DSC2: variants seen among roughly 807,000 people sequenced by gnomAD.
The protein encoded by DSC2 is desmocollin-2.
DSC2 carries 51 observed loss-of-function variants against 87.6 expected under a neutral mutation model. The observed-to-expected ratio is 0.58, with a 90% CI of 0.46 to 0.74. DSC2 has a LOEUF of 0.74. Ranked by LOEUF, DSC2 falls within the 30% of genes least tolerant of loss-of-function variation. DSC2 has a pLI of 0.00. For synonymous variants in DSC2, 383 were observed against 393.2 expected (o/e 0.97, Z 0.31); for missense variants, 1,066 against 1,089.5 (o/e 0.98, Z 0.30).
intron 15 of DSC2, 136 bp from the exon 16 acceptor site, chr18:31,068,348 T>C (rs1986701716): frequency 1.2e-6 from 2 of 1,612,520 alleles, no homozygotes; most frequent in Non-Finnish European, 1.7e-6. Flanking sequence ...TGGATTCCTA[T>C]ACATAAAAAA....
chr18:31,085,706 A>C (rs1987373398), intron 7 of DSC2, among the ~76,000 whole-genome samples: 1 of 152,010 alleles, frequency 6.6e-6, no homozygotes, highest in Non-Finnish European at 1.5e-5. Flanking sequence ...AGAGAAAATT[A>C]ATCTGAAGAT....
At chr18:31,068,284 A>T in intron 15 of DSC2, 72 bp from the exon 16 acceptor site, 1 of 1,613,158 alleles carries the variant, frequency 6.2e-7, no homozygotes, top group Non-Finnish European at 8.5e-7. Context: ...CATAAAAGTA[A>T]TTGCTTTGAT....
intron 1 of DSC2, among the ~76,000 whole-genome samples, chr18:31,098,363 A>G (rs1987829401): frequency 6.6e-6 from 1 of 152,154 alleles, no homozygotes. Context: ...ACACCAATAT[A>G]TATATCCTCG....
chr18:31,080,462 A>C, intron 9 of DSC2, 110 bp from the exon 10 acceptor site: 10 of 1,292,526 alleles, frequency 7.7e-6, no homozygotes, highest in Non-Finnish European at 1.1e-5. Flanking sequence ...CATGTTGGGA[A>C]TAACCACGAG....
intron 6 of DSC2, 101 bp from the exon 7 acceptor site, chr18:31,086,843 A>T: frequency 1.6e-6 from 2 of 1,284,862 alleles, no homozygotes; most frequent in East Asian, 5.0e-5. Context: ...TCTGGACCAC[A>T]TTATTACATG....
chr18:31,077,329 A>T (rs1987057206), intron 11 of DSC2, among the ~76,000 whole-genome samples: 1 of 152,124 alleles, frequency 6.6e-6, no homozygotes, highest in Non-Finnish European at 1.5e-5. Flanking sequence ...CTCTCTGAAA[A>T]TTGGGACTGC....
At chr18:31,072,782 T>C (rs1009675330) in intron 12 of DSC2, among the ~76,000 whole-genome samples, 11 of 152,192 alleles carry the variant, frequency 7.2e-5, no homozygotes, top group African/African-American at 2.7e-4. Flanking sequence ...TGCATAGTAT[T>C]TGAAGCTCTA....
chr18:31,085,829 T>C (rs1003796775), intron 7 of DSC2, among the ~76,000 whole-genome samples: 8 of 152,116 alleles, frequency 5.3e-5, no homozygotes, highest in Non-Finnish European at 8.8e-5. Flanking sequence ...AGAATTTAGA[T>C]GAATAATGCT....
At chr18:31,101,647 G>T in intron 1 of DSC2, 1 of 464,608 alleles carries the variant, frequency 2.2e-6, no homozygotes, top group Non-Finnish European at 3.8e-6. Flanking sequence ...AAAGCGGCCC[G>T]CTCCCGCCTC....
rs1986492797 is a variant in DSC2, at chr18:31,061,136, C to T, written c.*6879G>A. 1 of 152,180 alleles carries T rather than the reference C, an allele frequency of 6.6e-6. No individual in the cohort carries two copies. The highest frequency in any genetic ancestry group is 2.1e-4 in the South Asian group (1 of 4,830). 9.4% of individuals were successfully genotyped at this position (152,180 alleles called of 1,614,324 possible). On this transcript the variant is annotated 3_prime_UTR_variant, in exon 16 of 16. Transcript: ENST00000280904. ...TGAGGGATCTCTATTTTCAGCAACA[C>T]CAGGGTGATTCTGATGCTGATGGTC...
chr18:31,074,035 C>G (rs747822392), intron 12 of DSC2, among the ~76,000 whole-genome samples: 1 of 152,164 alleles, frequency 6.6e-6, no homozygotes, highest in Non-Finnish European at 1.5e-5. Context: ...TGCCTTTTTG[C>G]CATGGGCAGC....
At chr18:31,095,983 G>A (rs1379831850) in intron 1 of DSC2, among the ~76,000 whole-genome samples, 4 of 152,044 alleles carry the variant, frequency 2.6e-5, no homozygotes, top group Admixed American at 2.0e-4. Context: ...GTACCAGAGC[G>A]GGGGCAGAGG....
chr18:31,078,235 A>G (rs1349696186), intron 11 of DSC2, among the ~76,000 whole-genome samples: 1 of 152,208 alleles, frequency 6.6e-6, no homozygotes, highest in Non-Finnish European at 1.5e-5. Context: ...ACTTTTGTAT[A>G]ATCTCATTTC....
chr18:31,064,646 CAG>C lies in DSC2; in HGVS notation c.*3367_*3368del, dbSNP rs925686709. On this transcript the variant is annotated 3_prime_UTR_variant, in exon 16 of 16. Coordinates refer to ENST00000280904, the MANE Select transcript of DSC2 (RefSeq NM_024422.6). ...GCATGAGTTTGAAGTGCTAGGTTAACAGGGGGCTCGCAGGGGAGCTGATATAA... is the reference window on the plus strand; with the variant it reads ...GCATGAGTTTGAAGTGCTAGGTTAACGGGGCTCGCAGGGGAGCTGATATAA... 1 of 152,088 alleles carries C rather than the reference CAG, an allele frequency of 6.6e-6. No homozygotes were observed. Among genetic ancestry groups the C allele is most frequent in the African/African-American group, 2.4e-5 (1 of 41,400 alleles). The allele number at this position is 152,088 out of a possible 1,614,324, so 9.4% of individuals were successfully genotyped here. A position where few individuals can be genotyped will look rare whatever the true frequency, so the allele number is the denominator to read the frequency against.
At chr18:31,069,560 C>A (rs372152445) in intron 14 of DSC2, among the ~76,000 whole-genome samples, 5 of 151,880 alleles carry the variant, frequency 3.3e-5, no homozygotes, top group African/African-American at 9.7e-5. Flanking sequence ...ACTAAAAATA[C>A]AAAAATCAGC....
intron 12 of DSC2, among the ~76,000 whole-genome samples, chr18:31,072,273 T>C (rs1208479812): frequency 3.3e-5 from 5 of 152,228 alleles, no homozygotes; most frequent in African/African-American, 1.2e-4. Context: ...TTTTCAAAAA[T>C]TGTGCCAAAT....
At position 31,084,469 on chromosome 18, in the gene DSC2, G is replaced by A. The variant is rs914108335; in HGVS notation, c.943-1409C>T. Among the ~76,000 whole-genome samples the A allele has an allele frequency of 2.6e-5, 4 of 152,144 alleles. No individual in the cohort carries two copies. In the East Asian group the frequency reaches 7.7e-4, roughly 29 times the overall value. On this transcript the variant is annotated intron_variant, in intron 7 of 15. Transcript: ENST00000280904. ...CTTCAGATGGAAGAGAAATTCTGAT[G>A]TTTAAAGGGACTAAAAGGTTGTAGG...
chr18:31,101,722 AG>A (rs1355711121), intron 1 of DSC2, 180 bp downstream of exon 1: 1 of 624,696 alleles, frequency 1.6e-6, no homozygotes, highest in African/African-American at 1.9e-5. Flanking sequence ...CCCAACTCTC[AG>A]GTCGCGATCC....
chr18:31,076,607 A>G (rs1314054313), intron 11 of DSC2, among the ~76,000 whole-genome samples: 1 of 152,234 alleles, frequency 6.6e-6, no homozygotes, highest in Non-Finnish European at 1.5e-5. Context: ...CCAGTAGAAA[A>G]TAAACAGCAA....
Sources: gnomAD v4.1 joint callset for allele counts (sites outside exome capture counted in the v4.1 genomes callset) on GRCh38, gnomAD v4.1.1 for gene constraint, MANE v1.5 for transcripts, NCBI Gene and HGNC (gene_info 2026-07-23, HGNC 2026-07-21) for gene names.